Variants in ATP9B observed in about 807,000 individuals in gnomAD.
ATP9B encodes ATPase phospholipid transporting 9B.
Under a neutral mutation model 146.1 loss-of-function variants are expected in ATP9B, and 110 were observed. The observed-to-expected ratio is 0.75, with a 90% CI of 0.65 to 0.88. The LOEUF is 0.88. Among genes scored for constraint, ATP9B ranks in the 40% least tolerant of loss-of-function variants. The probability of loss-of-function intolerance (pLI) is 0.00; values close to 1 mark genes in which losing one functional copy is unlikely to be tolerated. For missense variants in ATP9B, 1,499 were observed against 1,496.4 expected, an observed-to-expected ratio of 1.00 and a Z score of -0.03; for synonymous variants, 604 against 569.7, an observed-to-expected ratio of 1.06 and a Z score of -0.86.
chr18:79,083,454 G>A (rs2073475094), intron 1 of ATP9B, among the ~76,000 whole-genome samples: 1 of 152,122 alleles, frequency 6.6e-6, no homozygotes, highest in African/African-American at 2.4e-5. Flanking sequence ...ACTGGGGTAT[G>A]AAAAAAGACT....
intron 8 of ATP9B, among the ~76,000 whole-genome samples, chr18:79,180,774 C>T (rs1266942030): frequency 6.9e-6 from 1 of 144,056 alleles, no homozygotes; most frequent in Non-Finnish European, 1.5e-5. Flanking sequence ...TGAAAATTGT[C>T]TTTATTTTGC....
At chr18:79,343,739 G>C (rs1459057938) in intron 20 of ATP9B, 1 of 162,992 alleles carries the variant, frequency 6.1e-6, no homozygotes, top group African/African-American at 2.4e-5. Context: ...GTGCTCTGTT[G>C]GGTGCAAGCC....
rs2075585997 is a variant in ATP9B at position 79,105,379 on chromosome 18, CTA to C, written c.294-4974_294-4973del. Among the ~76,000 whole-genome samples, 8 of 152,226 alleles carry C rather than the reference CTA, an allele frequency of 5.3e-5. No homozygotes were observed. In the South Asian group the frequency reaches 1.0e-3, roughly 20 times the overall value. Reference sequence around the variant, plus strand: ...ATCTTGCAATACAGGTAGATTGTAACTATTATTAATGAGTTGTAAATATTTAA... The same window carrying C: ...ATCTTGCAATACAGGTAGATTGTAACTTATTAATGAGTTGTAAATATTTAA... On this transcript the variant is annotated intron_variant, in intron 2 of 29. Transcript: ENST00000426216.
chr18:79,076,519 T>C lies in ATP9B; in HGVS notation c.119+6990T>C, dbSNP rs1162894847. Among the ~76,000 whole-genome samples, 3 of 152,338 alleles carry C rather than the reference T, an allele frequency of 2.0e-5. No homozygotes were observed. The East Asian group carries it at 5.8e-4, about 29-fold the overall frequency. ...GTGCTTTCTGATGAGAAATCTGATA[T>C]CATTTGAGTTGTTTTTCCTTTTGAG... On this transcript the variant is annotated intron_variant, in intron 1 of 29. Transcript: ENST00000426216.
chr18:79,253,758 A>G (rs868010486), intron 12 of ATP9B: 64 of 435,530 alleles, frequency 1.5e-4, no homozygotes, highest in African/African-American at 1.3e-3. Context: ...TACTTTCCTG[A>G]TAGTGAATGT....
intron 11 of ATP9B, among the ~76,000 whole-genome samples, chr18:79,225,899 C>T (rs142577428): frequency 0.019 from 2,112 of 111,940 alleles, 334 homozygotes; most frequent in Non-Finnish European, 0.024. Flanking sequence ...TGTTGGGTCC[C>T]GCAGTTGCAG....
At chr18:79,214,075 T>G in intron 11 of ATP9B, 37 bp downstream of exon 11, 2 of 1,471,728 alleles carry the variant, frequency 1.4e-6, no homozygotes, top group Non-Finnish European at 1.9e-6. Context: ...TTAATGAACT[T>G]ATTTTTCCTT....
intron 13 of ATP9B, among the ~76,000 whole-genome samples, chr18:79,279,643 C>T (rs2096355129): frequency 6.6e-6 from 1 of 152,198 alleles, no homozygotes; most frequent in African/African-American, 2.4e-5. Flanking sequence ...AGAGTAACAA[C>T]AAAAAGTATA....
At chr18:79,376,214 C>CACACACACACACACACAAAAAA in intron 29 of ATP9B, 38 of 884,926 alleles carry the variant, frequency 4.3e-5, no homozygotes, top group Middle Eastern at 6.1e-4. Context: ...CACACACACA[C>CACACACACACACACACAAAAAA]AAAACAAAAC....
At position 79,304,900 on chromosome 18, in the gene ATP9B, G is replaced by A. The variant is rs1198960173; in HGVS notation, c.1524+1184G>A. Among the ~76,000 whole-genome samples, 3 of 152,208 alleles carry A rather than the reference G, an allele frequency of 2.0e-5. No individual in the cohort carries two copies. The East Asian group carries it at 5.8e-4, about 29-fold the overall frequency. On this transcript the variant is annotated intron_variant, in intron 14 of 29. Coordinates refer to ENST00000426216, the MANE Select transcript of ATP9B (RefSeq NM_198531.5). ...TCTGAGGCCCTTTTTCTGCCTGTTTGTTGATTTATTCTGAATATAGTGATC... is the reference window on the plus strand; with the variant it reads ...TCTGAGGCCCTTTTTCTGCCTGTTTATTGATTTATTCTGAATATAGTGATC...
At chr18:79,311,542 A>G (rs1418038363) in intron 15 of ATP9B, among the ~76,000 whole-genome samples, 1 of 152,142 alleles carries the variant, frequency 6.6e-6, no homozygotes, top group Non-Finnish European at 1.5e-5. Context: ...CTTATTTAAA[A>G]CTTTAGTTAC....
At chr18:79,316,138 C>T (rs964187862) in intron 15 of ATP9B, among the ~76,000 whole-genome samples, 14 of 152,068 alleles carry the variant, frequency 9.2e-5, no homozygotes, top group African/African-American at 1.9e-4. Context: ...TTATTGAATA[C>T]GGACACAATC....
intron 5 of ATP9B, among the ~76,000 whole-genome samples, chr18:79,138,366 G>T (rs1285730438): frequency 6.6e-6 from 1 of 152,120 alleles, no homozygotes; most frequent in Non-Finnish European, 1.5e-5. Flanking sequence ...CAGTGTTTTT[G>T]ACTTACATTT....
intron 2 of ATP9B, among the ~76,000 whole-genome samples, chr18:79,103,625 G>A (rs1016035321): frequency 1.3e-5 from 2 of 152,096 alleles, no homozygotes; most frequent in Non-Finnish European, 2.9e-5. Flanking sequence ...GGAACATCAG[G>A]TCAATTAAGT....
At chr18:79,285,612 T>C in intron 13 of ATP9B, among the ~76,000 whole-genome samples, 1 of 150,518 alleles carries the variant, frequency 6.6e-6, no homozygotes. Flanking sequence ...GCAGAAGCTC[T>C]TTAGTTTAAT....
intron 1 of ATP9B, among the ~76,000 whole-genome samples, chr18:79,071,961 G>T (rs1436820710): frequency 3.2e-5 from 4 of 126,666 alleles, no homozygotes; most frequent in African/African-American, 1.2e-4. Context: ...ACTACTCTTT[G>T]TTGTTGTTGA....
rs2095066814 is a variant in ATP9B at position 79,171,337 on chromosome 18, T to C, written c.779-5476T>C. On this transcript the variant is annotated intron_variant, in intron 7 of 29. Coordinates refer to ENST00000426216, the MANE Select transcript of ATP9B (RefSeq NM_198531.5). ...TATGAAGCAATTCACTCGTGAAATA[T>C]GAATATTTTTATACTAGTATAGTTG... Among the ~76,000 whole-genome samples, 4 of 152,214 alleles carry C rather than the reference T, an allele frequency of 2.6e-5. No homozygotes were observed. The South Asian group carries it at 6.2e-4, about 24-fold the overall frequency.
intron 11 of ATP9B, among the ~76,000 whole-genome samples, chr18:79,225,819 TCTTCAGCGTCTGAGTG>T (rs1266373183): frequency 3.0e-5 from 4 of 132,800 alleles, no homozygotes; most frequent in African/African-American, 8.9e-5. Flanking sequence ...GCGGCCACTG[TCTTCAGCGTCTGAGTG>T]ACTGTTGGGT....
At chr18:79,272,307 C>T (rs1269558306) in intron 12 of ATP9B, among the ~76,000 whole-genome samples, 1 of 152,214 alleles carries the variant, frequency 6.6e-6, no homozygotes, top group Admixed American at 6.5e-5. Flanking sequence ...TGTATCTCTG[C>T]CTTTGTTCCA....
Sources: allele counts gnomAD v4.1 joint callset (sites outside exome capture counted in the v4.1 genomes callset), GRCh38; gene constraint gnomAD v4.1.1; transcripts MANE v1.5; gene names NCBI Gene and HGNC (gene_info 2026-07-23, HGNC 2026-07-21).